Variants in ADAMTS17 observed in about 807,000 individuals in gnomAD.
ADAMTS17 encodes ADAM metallopeptidase with thrombospondin type 1 motif 17, also known as A disintegrin and metalloproteinase with thrombospondin motifs 17.
In ADAMTS17, 113 loss-of-function variants were observed where a neutral mutation model predicts 141.5. The ratio of observed to expected loss-of-function variants is 0.80; its 90% CI spans 0.69 to 0.93. The LOEUF (loss-of-function observed/expected upper bound fraction) is 0.93, where lower values mean the gene tolerates loss of function less well. ADAMTS17 is among the 40% of genes least tolerant of loss of function. ADAMTS17 has a pLI of 0.00. For synonymous variants in ADAMTS17, 768 were observed against 630.6 expected (o/e 1.22, Z -3.27); for missense variants, 1,659 against 1,517.9 (o/e 1.09, Z -1.54).
At chr15:100,135,286 C>G (rs1028539205) in intron 10 of ADAMTS17, among the ~76,000 whole-genome samples, 10 of 145,094 alleles carry the variant, frequency 6.9e-5, no homozygotes, top group African/African-American at 2.0e-4. Context: ...AAATTAACAA[C>G]TTTTTTTTTT....
intron 8 of ADAMTS17, among the ~76,000 whole-genome samples, chr15:100,197,769 C>T (rs1453740745): frequency 6.6e-6 from 1 of 152,102 alleles, no homozygotes; most frequent in African/African-American, 2.4e-5. Flanking sequence ...AGGCCAACTA[C>T]CAAACCCCTC....
chr15:100,062,766 AGAT>A (rs1444537381), intron 15 of ADAMTS17, among the ~76,000 whole-genome samples: 6 of 152,214 alleles, frequency 3.9e-5, no homozygotes, highest in Non-Finnish European at 8.8e-5. Context: ...ACAGGCTGAG[AGAT>A]GATGACATGA....
intron 8 of ADAMTS17, among the ~76,000 whole-genome samples, 168 bp downstream of exon 8, chr15:100,199,150 C>T (rs188659533): frequency 3.3e-5 from 5 of 152,314 alleles, no homozygotes; most frequent in East Asian, 3.9e-4. Context: ...GCAGTCATCT[C>T]GTGGGGTCTC....
intron 8 of ADAMTS17, among the ~76,000 whole-genome samples, chr15:100,182,157 A>G (rs892307840): frequency 1.3e-5 from 2 of 152,146 alleles, no homozygotes; most frequent in African/African-American, 4.8e-5. Flanking sequence ...TAACATGTGG[A>G]CTCACAGTTG....
intron 2 of ADAMTS17, among the ~76,000 whole-genome samples, chr15:100,333,590 G>A (rs547888535): frequency 2.0e-5 from 3 of 152,224 alleles, no homozygotes; most frequent in East Asian, 1.9e-4. Flanking sequence ...TCCATGTGGA[G>A]AGGTCCTTGG....
chr15:100,111,220 G>A (rs892707154), intron 13 of ADAMTS17, among the ~76,000 whole-genome samples: 10 of 152,200 alleles, frequency 6.6e-5, no homozygotes, highest in African/African-American at 2.4e-4. Context: ...CGTGATGTTT[G>A]CTTCTGAAGG....
At chr15:100,180,471 C>T (rs965250610) in intron 8 of ADAMTS17, among the ~76,000 whole-genome samples, 3 of 152,086 alleles carry the variant, frequency 2.0e-5, no homozygotes, top group Non-Finnish European at 4.4e-5. Context: ...CAGTTTCGTT[C>T]TTTTTGCTCA....
intron 14 of ADAMTS17, among the ~76,000 whole-genome samples, chr15:100,105,753 T>C (rs1282080071): frequency 6.6e-6 from 1 of 152,114 alleles, no homozygotes; most frequent in East Asian, 1.9e-4. Flanking sequence ...AATGGTGCAA[T>C]CTCGGCTCAC....
chr15:100,075,879 C>T (rs146182902), intron 15 of ADAMTS17, among the ~76,000 whole-genome samples: 1 of 152,256 alleles, frequency 6.6e-6, no homozygotes, highest in Non-Finnish European at 1.5e-5. Context: ...TGCTGATTTT[C>T]TCTGTCTGCT....
At chr15:100,067,375 T>C (rs1210053432) in intron 15 of ADAMTS17, among the ~76,000 whole-genome samples, 1 of 152,214 alleles carries the variant, frequency 6.6e-6, no homozygotes, top group Non-Finnish European at 1.5e-5. Flanking sequence ...CTAAGTAGCC[T>C]ATCTGTCTCA....
At chr15:100,250,591 C>T (rs1316042264) in intron 7 of ADAMTS17, among the ~76,000 whole-genome samples, 1 of 152,150 alleles carries the variant, frequency 6.6e-6, no homozygotes, top group Non-Finnish European at 1.5e-5. Flanking sequence ...TCCGAGGGGG[C>T]ATCTCAGCCG....
chr15:100,171,731 C>T (rs1484536165), intron 8 of ADAMTS17, among the ~76,000 whole-genome samples: 1 of 152,174 alleles, frequency 6.6e-6, no homozygotes, highest in East Asian at 1.9e-4. Context: ...ACCTCAATGG[C>T]CCAGAACCTC....
At chr15:100,005,678 G>C (rs1467748610) in intron 18 of ADAMTS17, among the ~76,000 whole-genome samples, 1 of 152,184 alleles carries the variant, frequency 6.6e-6, no homozygotes, top group Non-Finnish European at 1.5e-5. Context: ...CTTAAAATTT[G>C]CCGATAAAAG....
At chr15:100,098,665 A>AC (rs2035913833) in intron 14 of ADAMTS17, among the ~76,000 whole-genome samples, 2 of 151,694 alleles carry the variant, frequency 1.3e-5, no homozygotes, top group African/African-American at 4.8e-5. Flanking sequence ...TCCGTCTCAA[A>AC]AAAAAAAAAA....
intron 18 of ADAMTS17, among the ~76,000 whole-genome samples, chr15:100,037,824 G>A (rs1275501009): frequency 6.6e-6 from 1 of 152,078 alleles, no homozygotes; most frequent in African/African-American, 2.4e-5. Context: ...ACCCAGGCTG[G>A]AGTGCAGTGG....
In ADAMTS17 at chr15:100,036,183, A is replaced by C. The variant is rs767798792; in HGVS notation, c.2591+12674T>G. 6.9e-4 allele frequency among the ~76,000 whole-genome samples: 105 copies of C among 152,206 alleles called. 1 individual carries two copies. The highest frequency in any genetic ancestry group is 3.3e-4 in the Admixed American group (5 of 15,290). ...ATGGTGGGTGCATGACTTGCAGGAA[A>C]GCCCCTCCAGGGGAAAGGCAAGGAG... On this transcript the variant is annotated intron_variant, in intron 18 of 21. Coordinates refer to ENST00000268070, the MANE Select transcript of ADAMTS17 (RefSeq NM_139057.4).
At chr15:100,095,336 G>A (rs908360749) in intron 15 of ADAMTS17, among the ~76,000 whole-genome samples, 4 of 152,248 alleles carry the variant, frequency 2.6e-5, no homozygotes, top group African/African-American at 9.6e-5. Flanking sequence ...AAATGTTGGC[G>A]CAGTAGGCTG....
At chr15:100,338,852 C>G (rs968364226) in intron 2 of ADAMTS17, 3 of 673,642 alleles carry the variant, frequency 4.5e-6, no homozygotes, top group Admixed American at 6.3e-5. Flanking sequence ...AACTGAGAAC[C>G]AAAGTCAAAG....
intron 4 of ADAMTS17, among the ~76,000 whole-genome samples, chr15:100,273,935 C>G (rs1447276246): frequency 3.3e-5 from 5 of 152,072 alleles, no homozygotes; most frequent in Non-Finnish European, 7.4e-5. Flanking sequence ...TCTTCTTTGA[C>G]TCTTTGGTTA....
Sources: gnomAD v4.1 joint callset for allele counts (sites outside exome capture counted in the v4.1 genomes callset) on GRCh38, gnomAD v4.1.1 for gene constraint, MANE v1.5 for transcripts, NCBI Gene and HGNC (gene_info 2026-07-23, HGNC 2026-07-21) for gene names.